Variants in TTLL7 observed in about 807,000 individuals in gnomAD.
TTLL7 encodes tubulin tyrosine ligase like 7, also known as tubulin polyglutamylase TTLL7.
Under a neutral mutation model 120.2 loss-of-function variants are expected in TTLL7, and 53 were observed. The ratio of observed to expected loss-of-function variants is 0.44; its 90% CI spans 0.35 to 0.55. The LOEUF is 0.55. Among genes scored for constraint, TTLL7 ranks in the 20% least tolerant of loss-of-function variants. The probability of loss-of-function intolerance (pLI) is 0.00; values close to 1 mark genes in which losing one functional copy is unlikely to be tolerated. For missense variants in TTLL7, 803 were observed against 1,054.7 expected, an observed-to-expected ratio of 0.76 and a Z score of 3.31; for synonymous variants, 353 against 351.7, an observed-to-expected ratio of 1.00 and a Z score of -0.04.
chr1:83,888,952 C>CA lies in TTLL7; in HGVS notation c.2369+1368dup, dbSNP rs141538615. ...TATTCATTTCACTTAGCTGTCTTACCAAAAAAAGGCTCTCTTTGTCTAAAA... is the reference window on the plus strand; with the variant it reads ...TATTCATTTCACTTAGCTGTCTTACCAAAAAAAAGGCTCTCTTTGTCTAAAA... On this transcript the variant is annotated intron_variant, in intron 19 of 20. Coordinates refer to ENST00000260505, the MANE Select transcript of TTLL7 (RefSeq NM_024686.6). Among the ~76,000 whole-genome samples the CA allele has an allele frequency of 4.7e-4, 71 of 151,702 alleles. 1 individual carries two copies. The South Asian group carries it at 0.013, about 28-fold the overall frequency.
intron 12 of TTLL7, among the ~76,000 whole-genome samples, chr1:83,920,311 G>A (rs1658531240): frequency 6.6e-6 from 1 of 152,030 alleles, no homozygotes; most frequent in Non-Finnish European, 1.5e-5. Context: ...AACTTTATAG[G>A]AGAGTGTTCA....
intron 5 of TTLL7, 52 bp downstream of exon 5, chr1:83,948,576 T>C: frequency 8.6e-7 from 1 of 1,159,120 alleles, no homozygotes. Flanking sequence ...CTACAGTAGT[T>C]ATGGTATAAA....
intron 1 of TTLL7, among the ~76,000 whole-genome samples, chr1:83,977,831 G>T (rs1455639612): frequency 6.6e-6 from 1 of 152,172 alleles, no homozygotes; most frequent in East Asian, 1.9e-4. Flanking sequence ...TATTGTGACT[G>T]CAAGATCCGA....
intron 1 of TTLL7, among the ~76,000 whole-genome samples, chr1:83,994,294 G>A (rs1653281994): frequency 1.3e-5 from 2 of 152,146 alleles, no homozygotes; most frequent in African/African-American, 4.8e-5. Context: ...ATCTGCCTTG[G>A]CTCTGCTTCC....
chr1:83,901,651 T>C (rs752896122), intron 18 of TTLL7, among the ~76,000 whole-genome samples: 2 of 151,990 alleles, frequency 1.3e-5, no homozygotes, highest in Non-Finnish European at 2.9e-5. Flanking sequence ...TTTTGCAATC[T>C]GCCTCTGTCA....
At chr1:83,977,513 T>C (rs992671987) in intron 1 of TTLL7, among the ~76,000 whole-genome samples, 1 of 152,170 alleles carries the variant, frequency 6.6e-6, no homozygotes, top group African/African-American at 2.4e-5. Context: ...TGTTTTACTT[T>C]ATGCAGCCTG....
chr1:83,983,503 A>C (rs572499665), intron 1 of TTLL7, among the ~76,000 whole-genome samples: 1 of 152,322 alleles, frequency 6.6e-6, no homozygotes, highest in South Asian at 2.1e-4. Flanking sequence ...CCCTCAAACT[A>C]TAAAAATCCT....
chr1:83,937,022 A>T (rs909292933), intron 8 of TTLL7, among the ~76,000 whole-genome samples: 5 of 152,214 alleles, frequency 3.3e-5, no homozygotes, highest in African/African-American at 1.2e-4. Flanking sequence ...TAAAAATGTC[A>T]ACAAACAGAA....
At chr1:83,875,386 T>C (rs1653838128) in intron 20 of TTLL7, among the ~76,000 whole-genome samples, 2 of 151,972 alleles carry the variant, frequency 1.3e-5, no homozygotes, top group South Asian at 4.1e-4. Flanking sequence ...ATTTTCAATG[T>C]TGTATAATAT....
chr1:83,946,764 A>C (rs1162567093), intron 6 of TTLL7, among the ~76,000 whole-genome samples: 1 of 152,194 alleles, frequency 6.6e-6, no homozygotes, highest in Admixed American at 6.5e-5. Context: ...TCTTTCTCCA[A>C]GTCAGTTTTA....
intron 18 of TTLL7, among the ~76,000 whole-genome samples, chr1:83,892,328 GTATATATGAATATATATACGAA>G (rs1381344590): frequency 3.4e-4 from 9 of 26,828 alleles, no homozygotes; most frequent in South Asian, 1.3e-3. Flanking sequence ...GAATATATAT[GTATATATGAATATATATACGAA>G]TATATATGAA....
chr1:83,983,129 C>T lies in TTLL7; in HGVS notation c.-177+15802G>A, dbSNP rs117081188. Among the ~76,000 whole-genome samples, 225 of 152,106 alleles carry T rather than the reference C, an allele frequency of 1.5e-3. 5 individuals are homozygous for T. The East Asian group carries it at 0.043, about 29-fold the overall frequency. On this transcript the variant is annotated intron_variant, in intron 1 of 20. Coordinates refer to ENST00000260505, the MANE Select transcript of TTLL7 (RefSeq NM_024686.6). ...GGTGGAGCAGTTGAGGTCAGGAGTT[C>T]GAGACTAGTCTGGGCAACATGGTGA...
chr1:83,965,319 G>T (rs1202320804), intron 1 of TTLL7, among the ~76,000 whole-genome samples: 2 of 152,010 alleles, frequency 1.3e-5, no homozygotes, highest in Non-Finnish European at 2.9e-5. Context: ...TTGTGATAGT[G>T]AGTGAGTTCT....
rs1649920540 is a variant in TTLL7, at chr1:83,960,529, C to T, written c.-176-8142G>A. On this transcript the variant is annotated intron_variant, in intron 1 of 20. Coordinates refer to ENST00000260505, the MANE Select transcript of TTLL7 (RefSeq NM_024686.6). ...TTAAAGAATTGGGTAGAAGATGGCACAATTCATCAAGAGAAGGCTTGCAGA... is the reference window on the plus strand; with the variant it reads ...TTAAAGAATTGGGTAGAAGATGGCATAATTCATCAAGAGAAGGCTTGCAGA... Among the ~76,000 whole-genome samples, 4 of 152,118 alleles carry T rather than the reference C, an allele frequency of 2.6e-5. No homozygotes were observed. The South Asian group carries it at 8.3e-4, about 32-fold the overall frequency.
intron 9 of TTLL7, among the ~76,000 whole-genome samples, chr1:83,931,500 C>T (rs958086246): frequency 6.6e-6 from 1 of 151,994 alleles, no homozygotes; most frequent in Non-Finnish European, 1.5e-5. Flanking sequence ...CACAGGTACA[C>T]AGAGATATTA....
intron 5 of TTLL7, among the ~76,000 whole-genome samples, chr1:83,948,184 A>AACACACACAAACAC (rs1648695667): frequency 6.8e-6 from 1 of 147,370 alleles, no homozygotes; most frequent in Non-Finnish European, 1.5e-5. Context: ...GACACACACA[A>AACACACACAAACAC]ACACACACAC....
Position 83,921,064 on chromosome 1 carries a change from T to C in TTLL7, c.1364+23A>G, listed in dbSNP as rs979445810. ...TTTGATACTTCATTTTTTCAATCTA[T>C]ACAAAAATAGCAGCACAGTTACCTA... On this transcript the variant is annotated intron_variant, in intron 12 of 20. Transcript: ENST00000260505. 4 of 1,595,430 alleles carry C rather than the reference T, an allele frequency of 2.5e-6. No homozygotes were observed. In the African/African-American group the frequency reaches 5.4e-5, roughly 22 times the overall value.
chr1:83,906,658 C>G, intron 16 of TTLL7, 195 bp from the exon 17 acceptor site: 1 of 660,324 alleles, frequency 1.5e-6, no homozygotes. Context: ...GTCTTTCACA[C>G]TTCCACAAGG....
At chr1:83,885,736 C>A (rs1347055958) in intron 19 of TTLL7, among the ~76,000 whole-genome samples, 1 of 152,054 alleles carries the variant, frequency 6.6e-6, no homozygotes, top group East Asian at 1.9e-4. Flanking sequence ...ACTGTATCCC[C>A]TACTCCTACC....
Sources: gnomAD v4.1 joint callset for allele counts (sites outside exome capture counted in the v4.1 genomes callset) on GRCh38, gnomAD v4.1.1 for gene constraint, MANE v1.5 for transcripts, NCBI Gene and HGNC (gene_info 2026-07-23, HGNC 2026-07-21) for gene names.